The following DPH6 variants were observed in gnomAD, a reference collection of about 807,000 sequenced individuals.
DPH6 encodes diphthine--ammonia ligase.
DPH6 carries 33 observed loss-of-function variants against 38.2 expected under a neutral mutation model. That is an observed-to-expected ratio of 0.86 (90% CI 0.65 to 1.15). DPH6 has a LOEUF of 1.15. Among genes scored for constraint, DPH6 ranks in the 50% most tolerant of loss-of-function variants. DPH6 has a pLI of 0.00. For missense variants in DPH6, 325 were observed against 320.0 expected, an observed-to-expected ratio of 1.02 and a Z score of -0.12; for synonymous variants, 108 against 103.0, an observed-to-expected ratio of 1.05 and a Z score of -0.30.
intron 6 of DPH6, among the ~76,000 whole-genome samples, chr15:35,386,856 T>G (rs1045722657): frequency 1.3e-5 from 2 of 152,206 alleles, no homozygotes; most frequent in Non-Finnish European, 2.9e-5. Flanking sequence ...TTAGATCCCA[T>G]TTGTCAATTT....
chr15:35,521,576 T>C, intron 3 of DPH6: 2 of 1,226,976 alleles, frequency 1.6e-6, no homozygotes, highest in South Asian at 4.2e-5. Flanking sequence ...TGTGAGAAAA[T>C]GTATTTGCAA....
intron 5 of DPH6, among the ~76,000 whole-genome samples, chr15:35,425,429 T>G (rs1017688195): frequency 2.0e-5 from 3 of 151,560 alleles, no homozygotes; most frequent in Non-Finnish European, 4.4e-5. Context: ...GAGGGTTAAC[T>G]TTCATACTAG....
At chr15:35,230,867 T>C (rs1359218549) in intron 3 of DPH6, among the ~76,000 whole-genome samples, 2 of 152,232 alleles carry the variant, frequency 1.3e-5, no homozygotes, top group Non-Finnish European at 2.9e-5. Context: ...GTGGCTGAGC[T>C]GGTATCCAAG....
intron 3 of DPH6, among the ~76,000 whole-genome samples, chr15:35,264,236 A>G (rs1317862189): frequency 6.6e-6 from 1 of 152,028 alleles, no homozygotes; most frequent in Non-Finnish European, 1.5e-5. Flanking sequence ...ATAAAGTTTT[A>G]TTTGTTTTCT....
intron 3 of DPH6, chr15:35,520,249 G>C: frequency 3.3e-6 from 2 of 608,846 alleles, no homozygotes; most frequent in Non-Finnish European, 4.0e-6. Context: ...AACAAAAGAA[G>C]AAGAATCAAA....
At chr15:35,207,977 C>T in the DPH6 span, among the ~76,000 whole-genome samples, 1 of 152,122 alleles carries the variant, frequency 6.6e-6, no homozygotes, top group African/African-American at 2.4e-5. Context: ...AGCTCTATTA[C>T]GATGACCAGA....
intron 3 of DPH6, among the ~76,000 whole-genome samples, chr15:35,254,880 C>T (rs1367793866): frequency 6.6e-6 from 1 of 152,012 alleles, no homozygotes; most frequent in Non-Finnish European, 1.5e-5. Context: ...TCACAAAGTA[C>T]ATTCTCAAGG....
At chr15:35,525,268 T>A (rs2054982465) in intron 3 of DPH6, among the ~76,000 whole-genome samples, 1 of 152,128 alleles carries the variant, frequency 6.6e-6, no homozygotes, top group South Asian at 2.1e-4. Flanking sequence ...CAACATAAAA[T>A]CCAAAGGCTA....
At chr15:35,422,329 A>C (rs1465738905) in intron 5 of DPH6, among the ~76,000 whole-genome samples, 1 of 151,922 alleles carries the variant, frequency 6.6e-6, no homozygotes, top group Non-Finnish European at 1.5e-5. Flanking sequence ...TACAGGAAAA[A>C]ACCTTGAGGA....
intron 5 of DPH6, among the ~76,000 whole-genome samples, chr15:35,412,334 T>TA (rs1023183419): frequency 4.0e-5 from 6 of 151,650 alleles, no homozygotes; most frequent in African/African-American, 4.8e-5. Context: ...CTGGAGAACT[T>TA]ACAACACCAA....
rs992110242 is a variant in DPH6 at position 35,313,176 on chromosome 15, T to A, written n.200+60345A>T. On this transcript the variant is annotated intron_variant and non_coding_transcript_variant, in intron 3 of 3. Transcript: ENST00000560386. ...TGAACCTAGGAGGCAGAGGCTACAGTGAGGTGAGATCACACCACTACACTC... is the reference window on the plus strand; with the variant it reads ...TGAACCTAGGAGGCAGAGGCTACAGAGAGGTGAGATCACACCACTACACTC... Among the ~76,000 whole-genome samples, 2 of 151,726 alleles carry A rather than the reference T, an allele frequency of 1.3e-5. 1 individual carries two copies. Among genetic ancestry groups the A allele is most frequent in the South Asian group, 4.2e-4 (2 of 4,804 alleles).
chr15:35,215,595 G>A (rs547503250), downstream of DPH6, among the ~76,000 whole-genome samples: 1 of 152,116 alleles, frequency 6.6e-6, no homozygotes, highest in Admixed American at 6.5e-5. Context: ...TGATTTGTTG[G>A]CCAGGCTGGT....
chr15:35,439,496 A>G (rs1555401927), intron 5 of DPH6, among the ~76,000 whole-genome samples: 1 of 152,222 alleles, frequency 6.6e-6, no homozygotes, highest in Non-Finnish European at 1.5e-5. Flanking sequence ...ACAGGATGCA[A>G]TCGGAGAAAC....
At chr15:35,365,001 G>T (rs968062917) in intron 3 of DPH6, among the ~76,000 whole-genome samples, 3 of 151,420 alleles carry the variant, frequency 2.0e-5, no homozygotes, top group African/African-American at 7.3e-5. Context: ...ATTTTCTTCT[G>T]ACCTCTTTTC....
intron 3 of DPH6, among the ~76,000 whole-genome samples, chr15:35,236,056 C>T (rs970598825): frequency 6.6e-6 from 1 of 152,074 alleles, no homozygotes; most frequent in African/African-American, 2.4e-5. Context: ...TAGATAGAAC[C>T]ATGCATGTTT....
chr15:35,366,905 A>G (rs542979174), downstream of DPH6, among the ~76,000 whole-genome samples: 125 of 152,104 alleles, frequency 8.2e-4, 2 homozygotes, highest in East Asian at 0.021. Context: ...GATTCCATGT[A>G]GACCTAGTAG....
Position 35,284,801 on chromosome 15 carries a change from ATTTTTTTTTTT to A in DPH6, n.201-64230_201-64220del, listed in dbSNP as rs71123127. 4.4e-4 allele frequency among the ~76,000 whole-genome samples: 35 copies of A among 79,256 alleles called. No individual in the cohort carries two copies. The Admixed American group carries it at 4.8e-3, about 11-fold the overall frequency. 52.0% of individuals were successfully genotyped at this position (79,256 alleles called of 152,430 possible). A position where few individuals can be genotyped will look rare whatever the true frequency, so the allele number is the denominator to read the frequency against. On this transcript the variant is annotated intron_variant and non_coding_transcript_variant, in intron 3 of 3. Coordinates refer to the DPH6 transcript ENST00000560386. Reference sequence around the variant, plus strand: ...GAAAATTCATGGGTGAAGTCTCCAAATTTTTTTTTTTTTTTTTTTTTTTTTTTTTGAGACAA... The same window carrying A: ...GAAAATTCATGGGTGAAGTCTCCAAATTTTTTTTTTTTTTTTTTGAGACAA...
chr15:35,367,601 T>C (rs1407055640), downstream of DPH6, among the ~76,000 whole-genome samples: 3 of 151,898 alleles, frequency 2.0e-5, no homozygotes, highest in African/African-American at 7.2e-5. Context: ...TCTCCGTTTT[T>C]ATCTCACAGC....
At chr15:35,298,163 G>T in intron 3 of DPH6, 1 of 412,624 alleles carries the variant, frequency 2.4e-6, no homozygotes, top group Non-Finnish European at 4.6e-6. Flanking sequence ...AACAGTCATG[G>T]AGGCTGTGAC....
Sources: gnomAD v4.1 joint callset for allele counts (sites outside exome capture counted in the v4.1 genomes callset) on GRCh38, gnomAD v4.1.1 for gene constraint, MANE v1.5 for transcripts, NCBI Gene and HGNC (gene_info 2026-07-23, HGNC 2026-07-21) for gene names.